Variants in SEMA6D observed in about 807,000 individuals in gnomAD.
SEMA6D encodes the protein semaphorin-6D.
A neutral mutation model predicts 106.6 loss-of-function variants in SEMA6D; 35 were observed. The ratio of observed to expected loss-of-function variants is 0.33; its 90% CI spans 0.25 to 0.44. The LOEUF (loss-of-function observed/expected upper bound fraction) is 0.44. Ranked by LOEUF, SEMA6D falls within the 20% of genes least tolerant of loss-of-function variation. The probability of loss-of-function intolerance (pLI) is 1.00; values close to 1 mark genes in which losing one functional copy is unlikely to be tolerated. For missense variants in SEMA6D, 1,185 were observed against 1,345.9 expected (o/e 0.88, Z 1.87); for synonymous variants, 499 against 487.7 (o/e 1.02, Z -0.31).
intron 3 of SEMA6D, among the ~76,000 whole-genome samples, chr15:47,598,198 A>G (rs943333576): frequency 6.6e-6 from 1 of 152,060 alleles, no homozygotes; most frequent in Non-Finnish European, 1.5e-5. Flanking sequence ...TGCAAACTGT[A>G]TGTCTATTGG....
intron 3 of SEMA6D, among the ~76,000 whole-genome samples, chr15:47,551,493 T>G (rs2045686328): frequency 6.6e-6 from 1 of 152,146 alleles, no homozygotes; most frequent in Non-Finnish European, 1.5e-5. Flanking sequence ...GGACCTGTGG[T>G]CTAGGATGGA....
At chr15:47,227,693 G>GA (rs1367871740) in intron 1 of SEMA6D, among the ~76,000 whole-genome samples, 1 of 150,042 alleles carries the variant, frequency 6.7e-6, no homozygotes, top group Non-Finnish European at 1.5e-5. Flanking sequence ...TTTCAGGACT[G>GA]AAATAGGCCC....
intron 3 of SEMA6D, among the ~76,000 whole-genome samples, chr15:47,513,054 A>G (rs978215211): frequency 3.3e-5 from 5 of 152,174 alleles, no homozygotes; most frequent in African/African-American, 7.2e-5. Flanking sequence ...TCAAATTTCA[A>G]TAGCTTCTGA....
rs549296074 is a variant in SEMA6D, at chr15:47,200,074, A to G, written c.-239+15656A>G. Among the ~76,000 whole-genome samples, 14 of 152,282 alleles carry G rather than the reference A, an allele frequency of 9.2e-5. No homozygotes were observed. In the East Asian group the frequency reaches 1.9e-3, roughly 21 times the overall value. ...GATGTATATCTATGTGTCTTTGTCT[A>G]TATACTCCATATCACTACGTTCTGC... On this transcript the variant is annotated intron_variant, in intron 1 of 19. Transcript: ENST00000558014.
At chr15:47,320,846 A>G (rs2036895791) in intron 1 of SEMA6D, among the ~76,000 whole-genome samples, 1 of 152,018 alleles carries the variant, frequency 6.6e-6, no homozygotes, top group Non-Finnish European at 1.5e-5. Context: ...CTAACTCTCC[A>G]GCCCGCCCCC....
chr15:47,234,854 G>A (rs1398207738), intron 1 of SEMA6D, among the ~76,000 whole-genome samples: 1 of 152,024 alleles, frequency 6.6e-6, no homozygotes, highest in African/African-American at 2.4e-5. Flanking sequence ...TTTCCTTTGG[G>A]TAGATACCCA....
chr15:47,579,529 T>C (rs989220240), intron 3 of SEMA6D, among the ~76,000 whole-genome samples: 1 of 152,210 alleles, frequency 6.6e-6, no homozygotes, highest in Non-Finnish European at 1.5e-5. Context: ...AAGGACTGCT[T>C]CTGTTTCCTC....
At position 47,768,620 on chromosome 15, in the gene SEMA6D, G is replaced by A. The variant is rs1363730106; in HGVS notation, c.1805G>A (p.Ser602Asn). ...TCATCTTCTGTTACCACAATGGCAAGTATCCCAGAAATCACACCTAAAGTG... is the reference window on the plus strand; with the variant it reads ...TCATCTTCTGTTACCACAATGGCAAATATCCCAGAAATCACACCTAAAGTG... ...VSSSSVTTMA[S>N]IPEITPKVID... Residue 602 changes from serine to asparagine, a missense_variant, in exon 18 of 19, where the codon AGT (serine) becomes AAT (asparagine). By Grantham distance (46) the Ser-to-Asn change is conservative. Transcript: ENST00000536845. 2 of 1,613,070 alleles carry A rather than the reference G, an allele frequency of 1.2e-6. No individual in the cohort carries two copies. Among genetic ancestry groups the A allele is most frequent in the African/African-American group, 1.3e-5 (1 of 74,882 alleles).
chr15:47,228,029 A>ATATATATAAGATTCTTATATATATATTTT (rs1566938710), intron 1 of SEMA6D, among the ~76,000 whole-genome samples: 22 of 140,704 alleles, frequency 1.6e-4, no homozygotes, highest in African/African-American at 5.5e-4. Flanking sequence ...TATATTTTTT[A>ATATATATAAGATTCTTATATATATATTTT]TATATATAAG....
intron 3 of SEMA6D, among the ~76,000 whole-genome samples, chr15:47,538,988 A>C (rs1049543496): frequency 2.0e-5 from 3 of 152,216 alleles, no homozygotes; most frequent in African/African-American, 7.2e-5. Context: ...GAAAAGGCAC[A>C]TTAAGCTAAG....
chr15:47,256,466 C>T (rs1347421917), intron 1 of SEMA6D, among the ~76,000 whole-genome samples: 1 of 152,116 alleles, frequency 6.6e-6, no homozygotes. Flanking sequence ...GGAGCAGTTA[C>T]AATTTTTCAA....
At chr15:47,351,829 A>G (rs2038337895) in intron 1 of SEMA6D, among the ~76,000 whole-genome samples, 1 of 152,218 alleles carries the variant, frequency 6.6e-6, no homozygotes, top group Non-Finnish European at 1.5e-5. Context: ...AACCTTTCAT[A>G]TATTCTTTTA....
intron 1 of SEMA6D, among the ~76,000 whole-genome samples, chr15:47,258,068 G>T (rs1448497119): frequency 6.6e-6 from 1 of 151,994 alleles, no homozygotes; most frequent in Non-Finnish European, 1.5e-5. Flanking sequence ...GAGCATTTTT[G>T]ATTAATGTTT....
At chr15:47,232,849 T>G (rs1430110246) in intron 1 of SEMA6D, among the ~76,000 whole-genome samples, 2 of 151,928 alleles carry the variant, frequency 1.3e-5, no homozygotes, top group African/African-American at 4.8e-5. Flanking sequence ...ATCAGATATA[T>G]GAAGTGCAGA....
At chr15:47,676,857 C>G (rs913698436) in intron 4 of SEMA6D, among the ~76,000 whole-genome samples, 13 of 152,040 alleles carry the variant, frequency 8.6e-5, no homozygotes, top group African/African-American at 2.4e-4. Context: ...GTTGGGGCTT[C>G]AGTCTACGAA....
intron 3 of SEMA6D, among the ~76,000 whole-genome samples, chr15:47,481,081 G>A (rs1033594414): frequency 5.3e-5 from 8 of 152,116 alleles, no homozygotes; most frequent in Non-Finnish European, 2.9e-5. Flanking sequence ...TAAATTCCCC[G>A]AGTCTTGAAT....
intron 1 of SEMA6D, among the ~76,000 whole-genome samples, chr15:47,749,440 T>G (rs1447629638): frequency 6.6e-6 from 1 of 152,102 alleles, no homozygotes; most frequent in African/African-American, 2.4e-5. Flanking sequence ...ATAGGTTATC[T>G]CATTCAGTAA....
At chr15:47,729,564 A>C (rs2079984304) in intron 1 of SEMA6D, among the ~76,000 whole-genome samples, 1 of 152,210 alleles carries the variant, frequency 6.6e-6, no homozygotes. Context: ...GCCCCTTGGC[A>C]GATTGGATGG....
At chr15:47,617,705 C>T (rs1432814652) in intron 4 of SEMA6D, among the ~76,000 whole-genome samples, 3 of 152,194 alleles carry the variant, frequency 2.0e-5, no homozygotes. Flanking sequence ...ATCTGTTGAC[C>T]TAAGGCAAGA....
Sources: gnomAD v4.1 joint callset for allele counts (sites outside exome capture counted in the v4.1 genomes callset) on GRCh38, gnomAD v4.1.1 for gene constraint, MANE v1.5 for transcripts, NCBI Gene and HGNC (gene_info 2026-07-23, HGNC 2026-07-21) for gene names.